GDAP1: variants seen among roughly 807,000 people sequenced by gnomAD.
The protein encoded by GDAP1 is ganglioside induced differentiation associated protein 1.
Under a neutral mutation model 40.1 loss-of-function variants are expected in GDAP1, and 34 were observed. The ratio of observed to expected loss-of-function variants is 0.85; its 90% CI spans 0.64 to 1.13. The LOEUF (loss-of-function observed/expected upper bound fraction) is 1.13. GDAP1 is among the 50% of genes most tolerant of loss of function. The probability of loss-of-function intolerance (pLI) is 0.00; values close to 1 mark genes in which losing one functional copy is unlikely to be tolerated. For missense variants in GDAP1, 374 were observed against 433.7 expected (o/e 0.86, Z 1.22); for synonymous variants, 170 against 157.4 (o/e 1.08, Z -0.60).
At chr8:74,416,415 A>G (rs926132080) in intron 2 of GDAP1, among the ~76,000 whole-genome samples, 1 of 150,182 alleles carries the variant, frequency 6.7e-6, no homozygotes, top group Non-Finnish European at 1.5e-5. Context: ...TGCAAGCAGA[A>G]TAACACAGTG....
intron 2 of GDAP1, among the ~76,000 whole-genome samples, chr8:74,461,072 C>T (rs895498518): frequency 6.6e-6 from 1 of 152,176 alleles, no homozygotes; most frequent in Non-Finnish European, 1.5e-5. Flanking sequence ...GAGGCCACTG[C>T]CAATGCTTTG....
At chr8:74,433,832 C>G (rs1286188556) in intron 2 of GDAP1, among the ~76,000 whole-genome samples, 1 of 152,170 alleles carries the variant, frequency 6.6e-6, no homozygotes, top group Non-Finnish European at 1.5e-5. Flanking sequence ...TGTATGTGAT[C>G]AACCCCAATA....
chr8:74,468,833 G>A (rs979647994), intron 2 of GDAP1, among the ~76,000 whole-genome samples: 4 of 152,156 alleles, frequency 2.6e-5, no homozygotes, highest in African/African-American at 9.6e-5. Flanking sequence ...ACTCCAGTAC[G>A]ATGTTAAATC....
At chr8:74,463,278 C>G in intron 2 of GDAP1, among the ~76,000 whole-genome samples, 1 of 140,270 alleles carries the variant, frequency 7.1e-6, no homozygotes. Flanking sequence ...ATAGGGAGAC[C>G]CCATATGTAT....
At chr8:74,466,316 T>C (rs963698769) in intron 2 of GDAP1, among the ~76,000 whole-genome samples, 1 of 152,188 alleles carries the variant, frequency 6.6e-6, no homozygotes, top group African/African-American at 2.4e-5. Context: ...TTGGGAACCA[T>C]AGCTTTGGAG....
In GDAP1 at chr8:74,366,232, G is replaced by C. The variant is rs1412551379; in HGVS notation, c.*1865G>C. 2.2e-6 allele frequency: 1 copy of C among 453,940 alleles called. No individual in the cohort carries two copies. The highest frequency in any genetic ancestry group is 4.4e-6 in the Non-Finnish European group (1 of 226,714). 28.1% of individuals were successfully genotyped at this position (453,940 alleles called of 1,614,324 possible). A position where few individuals can be genotyped will look rare whatever the true frequency, so the allele number is the denominator to read the frequency against. ...TAGTGGCAATTTCATATATTTCATG[G>C]ATACTTGAGTTTGTGCTTTTAAGGT... On this transcript the variant is annotated 3_prime_UTR_variant, in exon 6 of 6. Transcript: ENST00000220822.
At chr8:74,368,757 A>G (rs1325856158), downstream of GDAP1, among the ~76,000 whole-genome samples, 1 of 152,178 alleles carries the variant, frequency 6.6e-6, no homozygotes, top group Non-Finnish European at 1.5e-5. Flanking sequence ...AGCATTTTTC[A>G]ATCTTGGCCC....
downstream of GDAP1, among the ~76,000 whole-genome samples, chr8:74,368,985 G>T (rs1448706602): frequency 6.6e-6 from 1 of 152,124 alleles, no homozygotes; most frequent in Non-Finnish European, 1.5e-5. Context: ...TCCTAAAAAA[G>T]CCTGAAACCA....
At chr8:74,409,900 G>A (rs1261874765) in intron 2 of GDAP1, among the ~76,000 whole-genome samples, 1 of 149,800 alleles carries the variant, frequency 6.7e-6, no homozygotes, top group East Asian at 1.9e-4. Context: ...CAGAAAGATG[G>A]ACTTGAGACT....
chr8:74,405,248 A>G (rs936105230), intron 2 of GDAP1, among the ~76,000 whole-genome samples: 1 of 149,972 alleles, frequency 6.7e-6, no homozygotes, highest in African/African-American at 2.5e-5. Context: ...AATATGGGGG[A>G]ACCACCCCCA....
chr8:74,447,072 TC>T (rs1806238459), intron 2 of GDAP1, among the ~76,000 whole-genome samples: 1 of 152,094 alleles, frequency 6.6e-6, no homozygotes, highest in African/African-American at 2.4e-5. Context: ...TCTTTCACCT[TC>T]CTAAATAAAA....
intron 2 of GDAP1, among the ~76,000 whole-genome samples, chr8:74,468,021 G>A (rs935422062): frequency 2.0e-5 from 3 of 150,950 alleles, no homozygotes; most frequent in African/African-American, 7.3e-5. Flanking sequence ...ATCATCTGTT[G>A]AATAGTTTAT....
intron 2 of GDAP1, among the ~76,000 whole-genome samples, chr8:74,378,339 G>C (rs555360742): frequency 3.9e-5 from 6 of 152,318 alleles, no homozygotes; most frequent in African/African-American, 1.2e-4. Flanking sequence ...AGTGGGGCCA[G>C]AGTCCATGCA....
chr8:74,375,712 A>G (rs762848307), intron 2 of GDAP1, among the ~76,000 whole-genome samples: 8 of 152,188 alleles, frequency 5.3e-5, no homozygotes, highest in Non-Finnish European at 1.2e-4. Context: ...TTTCCTTTTT[A>G]TAGATCAGGA....
intron 2 of GDAP1, among the ~76,000 whole-genome samples, chr8:74,408,456 T>G (rs1274235006): frequency 6.7e-6 from 1 of 149,918 alleles, no homozygotes; most frequent in Non-Finnish European, 1.5e-5. Flanking sequence ...GAAGCCCTCA[T>G]GAATGGGATT....
At chr8:74,415,418 T>C (rs947766022) in intron 2 of GDAP1, among the ~76,000 whole-genome samples, 1 of 150,016 alleles carries the variant, frequency 6.7e-6, no homozygotes, top group Non-Finnish European at 1.5e-5. Context: ...TGTGTAGAGA[T>C]TCACCCTGAA....
chr8:74,484,699 C>A (rs1409838194), intron 2 of GDAP1, among the ~76,000 whole-genome samples: 3 of 152,072 alleles, frequency 2.0e-5, no homozygotes, highest in Non-Finnish European at 4.4e-5. Flanking sequence ...GCTAAAAAGA[C>A]AACACACAGA....
chr8:74,351,129 T>G, intron 1 of GDAP1, 145 bp from the exon 2 acceptor site: 1 of 741,240 alleles, frequency 1.3e-6, no homozygotes, highest in South Asian at 1.4e-5. Context: ...CCTTACTTGT[T>G]AATTCCAGGA....
chr8:74,393,795 A>G (rs1202353568), intron 2 of GDAP1, among the ~76,000 whole-genome samples: 1 of 152,172 alleles, frequency 6.6e-6, no homozygotes, highest in Non-Finnish European at 1.5e-5. Context: ...GAGGGCAAAT[A>G]CCTTTCAGTA....
Sources: allele counts gnomAD v4.1 joint callset (sites outside exome capture counted in the v4.1 genomes callset), GRCh38; gene constraint gnomAD v4.1.1; transcripts MANE v1.5; gene names NCBI Gene and HGNC (gene_info 2026-07-23, HGNC 2026-07-21).